FAF1: variants seen among roughly 807,000 people sequenced by gnomAD.
FAF1 encodes the protein Fas associated factor 1, also known as FAS-associated factor 1.
In FAF1, 25 loss-of-function variants were observed where a neutral mutation model predicts 92.5. The ratio of observed to expected loss-of-function variants is 0.27; its 90% CI spans 0.20 to 0.38. The LOEUF is 0.38. Ranked by LOEUF, FAF1 falls within the 10% of genes least tolerant of loss-of-function variation. The pLI is 1.00. For missense variants in FAF1, 636 were observed against 793.3 expected (o/e 0.80, Z 2.38); for synonymous variants, 234 against 273.2 (o/e 0.86, Z 1.42).
chr1:50,483,876 G>T (rs1013419416), intron 17 of FAF1, among the ~76,000 whole-genome samples: 1 of 152,180 alleles, frequency 6.6e-6, no homozygotes, highest in Non-Finnish European at 1.5e-5. Context: ...CTGAGATAGG[G>T]AAGACTGCAG....
At chr1:50,725,934 AATAATACCCTC>A (rs911283278) in intron 6 of FAF1, among the ~76,000 whole-genome samples, 1 of 152,182 alleles carries the variant, frequency 6.6e-6, no homozygotes. Flanking sequence ...ACTAGAGCTC[AATAATACCCTC>A]ATATGAAGCC....
intron 4 of FAF1, among the ~76,000 whole-genome samples, chr1:50,776,984 G>A (rs1660987177): frequency 1.3e-5 from 2 of 152,028 alleles, no homozygotes; most frequent in Non-Finnish European, 2.9e-5. Context: ...AATCAGCCAG[G>A]GTAAGTAGCT....
At chr1:50,573,494 A>G (rs528871402) in intron 12 of FAF1, among the ~76,000 whole-genome samples, 1 of 152,344 alleles carries the variant, frequency 6.6e-6, no homozygotes, top group Non-Finnish European at 1.5e-5. Context: ...AGCAATGTCA[A>G]TGGCCCCATA....
At chr1:50,701,345 T>C (rs1657465971) in intron 7 of FAF1, among the ~76,000 whole-genome samples, 1 of 151,882 alleles carries the variant, frequency 6.6e-6, no homozygotes, top group Non-Finnish European at 1.5e-5. Flanking sequence ...TACTCTTACT[T>C]CAGTTCTGTG....
At position 50,560,804 on chromosome 1, in the gene FAF1, C is replaced by T. The variant is rs189488886; in HGVS notation, c.1268+6273G>A. Among the ~76,000 whole-genome samples, 314 of 152,260 alleles carry T rather than the reference C, an allele frequency of 2.1e-3. 3 individuals are homozygous for T. The highest frequency in any genetic ancestry group is 7.5e-3 in the African/African-American group (311 of 41,560). On this transcript the variant is annotated intron_variant, in intron 13 of 18. Coordinates refer to ENST00000396153, the MANE Select transcript of FAF1 (RefSeq NM_007051.3). Reference sequence around the variant, plus strand: ...ACCCTCCTATTCAGAACAAGAGATACCCACTAACCCACTTATTACTGGTTA... The same window carrying T: ...ACCCTCCTATTCAGAACAAGAGATATCCACTAACCCACTTATTACTGGTTA...
chr1:50,614,230 T>C (rs1294814013), intron 8 of FAF1, among the ~76,000 whole-genome samples: 2 of 152,228 alleles, frequency 1.3e-5, no homozygotes, highest in Admixed American at 6.5e-5. Context: ...GCATGTATTC[T>C]ATGGGCAGAC....
chr1:50,492,368 T>C (rs1381716600), intron 15 of FAF1, among the ~76,000 whole-genome samples: 1 of 152,168 alleles, frequency 6.6e-6, no homozygotes, highest in Admixed American at 6.5e-5. Flanking sequence ...AAGCTCTGGT[T>C]ACCAATTTAG....
In FAF1 at chr1:50,924,721, G is replaced by A. The variant is rs377534240; in HGVS notation, c.45+35046C>T. On this transcript the variant is annotated intron_variant, in intron 1 of 18. Coordinates refer to ENST00000396153, the MANE Select transcript of FAF1 (RefSeq NM_007051.3). ...ACATAGGCTAGGCACAGTGGCTCAC[G>A]CCTGTAAACCCAGCACTTTGGGAGG... Among the ~76,000 whole-genome samples, 36 of 152,238 alleles carry A rather than the reference G, an allele frequency of 2.4e-4. No homozygotes were observed. The South Asian group carries it at 5.6e-3, about 24-fold the overall frequency.
intron 18 of FAF1, among the ~76,000 whole-genome samples, chr1:50,449,975 A>G (rs1326995766): frequency 6.6e-6 from 1 of 151,670 alleles, no homozygotes; most frequent in Admixed American, 6.6e-5. Context: ...CAGGCAGATC[A>G]CTTGAGGTCA....
intron 2 of FAF1, among the ~76,000 whole-genome samples, chr1:50,811,515 TCTCTGTAA>T (rs1406311636): frequency 2.6e-5 from 4 of 152,004 alleles, no homozygotes; most frequent in Non-Finnish European, 4.4e-5. Flanking sequence ...AGGTGAAAGA[TCTCTGTAA>T]TGAGAATTAC....
chr1:50,786,849 T>G (rs1390835523), intron 4 of FAF1, among the ~76,000 whole-genome samples: 1 of 152,194 alleles, frequency 6.6e-6, no homozygotes. Flanking sequence ...ATTTGAATTA[T>G]ATCCTAAAAT....
At chr1:50,679,195 C>A (rs1656312619) in intron 7 of FAF1, among the ~76,000 whole-genome samples, 1 of 152,030 alleles carries the variant, frequency 6.6e-6, no homozygotes, top group African/African-American at 2.4e-5. Flanking sequence ...AACAAAATTA[C>A]TGATGGAAAG....
At chr1:50,848,835 A>G (rs1342642034) in intron 2 of FAF1, among the ~76,000 whole-genome samples, 3 of 152,244 alleles carry the variant, frequency 2.0e-5, no homozygotes, top group African/African-American at 7.2e-5. Context: ...AAGAATCAGC[A>G]CAAGTTGGGA....
At chr1:50,628,379 T>C (rs770130935) in intron 8 of FAF1, among the ~76,000 whole-genome samples, 2 of 152,154 alleles carry the variant, frequency 1.3e-5, no homozygotes, top group African/African-American at 4.8e-5. Flanking sequence ...AACTGTAGGA[T>C]TTTGGTCAGT....
At chr1:50,889,898 GA>G (rs1463629504) in intron 1 of FAF1, among the ~76,000 whole-genome samples, 1 of 152,204 alleles carries the variant, frequency 6.6e-6, no homozygotes, top group African/African-American at 2.4e-5. Flanking sequence ...ATGCAGAGCT[GA>G]GTTCTATTCC....
At chr1:50,456,604 G>T (rs763433331) in intron 18 of FAF1, among the ~76,000 whole-genome samples, 4 of 152,200 alleles carry the variant, frequency 2.6e-5, no homozygotes, top group Non-Finnish European at 4.4e-5. Context: ...GAATAGCTGG[G>T]AACATTTTAT....
intron 17 of FAF1, among the ~76,000 whole-genome samples, chr1:50,478,391 G>C (rs1646663493): frequency 1.3e-5 from 2 of 152,106 alleles, no homozygotes; most frequent in African/African-American, 4.8e-5. Context: ...TCAAACTCCT[G>C]ACCTCAAGTG....
chr1:50,896,214 G>A (rs1644756654), intron 1 of FAF1, among the ~76,000 whole-genome samples: 1 of 152,282 alleles, frequency 6.6e-6, no homozygotes, highest in African/African-American at 2.4e-5. Context: ...GAGCCCGGGA[G>A]GTTGAGGCTG....
chr1:50,937,007 A>G (rs1026299018), intron 1 of FAF1, among the ~76,000 whole-genome samples: 3 of 152,122 alleles, frequency 2.0e-5, no homozygotes, highest in Non-Finnish European at 4.4e-5. Flanking sequence ...ACAGAGAATC[A>G]TCTCTGTAGG....
Sources: allele counts gnomAD v4.1 joint callset (sites outside exome capture counted in the v4.1 genomes callset), GRCh38; gene constraint gnomAD v4.1.1; transcripts MANE v1.5; gene names NCBI Gene and HGNC (gene_info 2026-07-23, HGNC 2026-07-21).